MTMR9: variants seen among roughly 807,000 people sequenced by gnomAD.
The protein encoded by MTMR9 is myotubularin-related protein 9.
MTMR9 carries 39 observed loss-of-function variants against 69.5 expected under a neutral mutation model. The ratio of observed to expected loss-of-function variants is 0.56; its 90% CI spans 0.43 to 0.73. MTMR9 has a LOEUF of 0.73. Among genes scored for constraint, MTMR9 ranks in the 30% least tolerant of loss-of-function variants. The probability of loss-of-function intolerance (pLI) is 0.00; values close to 1 mark genes in which losing one functional copy is unlikely to be tolerated. For missense variants in MTMR9, 900 were observed against 671.2 expected, an observed-to-expected ratio of 1.34 and a Z score of -3.77; for synonymous variants, 354 against 240.8, an observed-to-expected ratio of 1.47 and a Z score of -4.35.
chr8:11,307,950 C>G (rs553951563), intron 5 of MTMR9, among the ~76,000 whole-genome samples: 21 of 152,238 alleles, frequency 1.4e-4, no homozygotes, highest in African/African-American at 5.1e-4. Flanking sequence ...ATATTAACCC[C>G]TTATCCAGTG....
In MTMR9 at chr8:11,323,341, C is replaced by A. The variant is rs1434839612; in HGVS notation, c.*553C>A. ...AGTTTTGGACTAACGAAGCTGAAATCTATTCTCATTCTTGTTTGTCAAGAA... is the reference window on the plus strand; with the variant it reads ...AGTTTTGGACTAACGAAGCTGAAATATATTCTCATTCTTGTTTGTCAAGAA... On this transcript the variant is annotated 3_prime_UTR_variant, in exon 10 of 10. Coordinates refer to ENST00000221086, the MANE Select transcript of MTMR9 (RefSeq NM_015458.4). The A allele has an allele frequency of 6.6e-6, 1 of 152,214 alleles. No individual in the cohort carries two copies. Among genetic ancestry groups the A allele is most frequent in the Non-Finnish European group, 1.5e-5 (1 of 68,036 alleles). 9.4% of individuals were successfully genotyped at this position (152,214 alleles called of 1,614,324 possible). A position where few individuals can be genotyped will look rare whatever the true frequency, so the allele number is the denominator to read the frequency against.
chr8:11,308,108 C>T (rs780332170), intron 5 of MTMR9, among the ~76,000 whole-genome samples: 3 of 152,196 alleles, frequency 2.0e-5, no homozygotes, highest in Non-Finnish European at 4.4e-5. Context: ...TCCAAAATAA[C>T]TTTTCCCAGA....
chr8:11,298,044 A>C (rs985067461), intron 2 of MTMR9: 24 of 411,576 alleles, frequency 5.8e-5, no homozygotes, highest in Middle Eastern at 3.5e-4. Flanking sequence ...TGCCTCACGT[A>C]GAATCCCATT....
downstream of MTMR9, chr8:11,331,343 C>T (rs760702018): frequency 8.7e-6 from 14 of 1,613,872 alleles, no homozygotes; most frequent in African/African-American, 1.3e-5. Flanking sequence ...GATGCCTCTT[C>T]CACCTCCCTA....
In MTMR9 at chr8:11,284,883, G is replaced by GA; in HGVS notation, c.-6_-5insA. On this transcript the variant is annotated 5_prime_UTR_variant, in exon 1 of 10. Coordinates refer to ENST00000221086, the MANE Select transcript of MTMR9 (RefSeq NM_015458.4). ...CTCGGTTCCCTGGCTCCGGCCGCGG[G>GA]GGAGCATGGAGTTTGCGGAGCTGAT... 6.3e-7 allele frequency: 1 copy of GA among 1,595,844 alleles called. No individual in the cohort carries two copies. Among genetic ancestry groups the GA allele is most frequent in the Non-Finnish European group, 8.5e-7 (1 of 1,170,442 alleles).
chr8:11,329,925 T>G (rs2736266), downstream of MTMR9, among the ~76,000 whole-genome samples: 1 of 150,970 alleles, frequency 6.6e-6, no homozygotes. Context: ...TCTGCCCGGC[T>G]GCGACCCCGT....
At chr8:11,289,643 G>T (rs772625376) in intron 1 of MTMR9, among the ~76,000 whole-genome samples, 7 of 152,022 alleles carry the variant, frequency 4.6e-5, no homozygotes, top group Non-Finnish European at 1.0e-4. Flanking sequence ...ATCCCTGTAG[G>T]CAACCACGTT....
chr8:11,316,473 T>G (rs1431327058), intron 7 of MTMR9, 200 bp from the exon 8 acceptor site: 1 of 426,550 alleles, frequency 2.3e-6, no homozygotes, highest in African/African-American at 2.0e-5. Context: ...ATTAAGGATT[T>G]GGAAGTGTGT....
At chr8:11,292,945 T>G (rs1222810255) in intron 1 of MTMR9, among the ~76,000 whole-genome samples, 3 of 152,252 alleles carry the variant, frequency 2.0e-5, no homozygotes. Flanking sequence ...GTTACTGGTT[T>G]ATGTATTTAC....
chr8:11,304,906 T>C lies in MTMR9; in HGVS notation c.483T>C (p.Ile161=). The change falls in exon 4 of 10, where the codon ATT becomes ATC. Residue 161 remains isoleucine, a synonymous_variant. Transcript: ENST00000221086. The part of the protein sequence containing the change: ...EFAVCPSYPP[I]VTVPKSIDDE... ...CTGTCTGTCCCTCTTACCCACCAAT[T>C]GTCACAGTGCCCAAATCCATCGATG... 1 of 1,614,080 alleles carries C rather than the reference T, an allele frequency of 6.2e-7. No homozygotes were observed. Among genetic ancestry groups the C allele is most frequent in the Non-Finnish European group, 8.5e-7 (1 of 1,179,966 alleles).
chr8:11,334,005 T>G, the MTMR9 span, among the ~76,000 whole-genome samples: 1 of 152,200 alleles, frequency 6.6e-6, no homozygotes, highest in Non-Finnish European at 1.5e-5. Context: ...ATAAAAAAGA[T>G]TCTGAAATTC....
Position 11,322,767 on chromosome 8 carries a change from C to G in MTMR9, c.1629C>G (p.Asp543Glu). 6.2e-7 allele frequency: 1 copy of G among 1,613,874 alleles called. No homozygotes were observed. The highest frequency in any genetic ancestry group is 8.5e-7 in the Non-Finnish European group (1 of 1,179,914). ...RRQLAELETE[D>E]GMQESP ...AGTTGGCAGAACTGGAAACAGAGGA[C>G]GGGATGCAGGAGAGTCCCTGAAAGG... is the stretch of plus-strand genomic sequence containing the variant. Residue 543 changes from aspartate (D) to glutamate (E), a missense_variant, in exon 10 of 10, where the codon GAC (aspartate) becomes GAG (glutamate). By Grantham distance (45) the Asp-to-Glu change is conservative. Coordinates refer to ENST00000221086, the MANE Select transcript of MTMR9 (RefSeq NM_015458.4).
At chr8:11,316,285 G>A (rs1479385306) in intron 7 of MTMR9, 8 of 153,492 alleles carry the variant, frequency 5.2e-5, no homozygotes, top group African/African-American at 2.1e-4. Flanking sequence ...TACAGTGTTA[G>A]ACAGAGGTGA....
rs150284036 is a variant in MTMR9 at position 11,306,392 on chromosome 8, A to T, written c.794A>T (p.His265Leu). Residue 265 changes from histidine (H) to leucine (L), a missense_variant, in exon 5 of 10, where the codon CAT (histidine) becomes CTT (leucine). Physicochemically the swap from His to Leu is moderately conservative, Grantham distance 99. Transcript: ENST00000221086. ...CATTATCCTCAGTGGAGGCGAATTCATAAGTCCATTGAGAGGTAAAAGATT... is the reference window on the plus strand; with the variant it reads ...CATTATCCTCAGTGGAGGCGAATTCTTAAGTCCATTGAGAGGTAAAAGATT... ...EAHYPQWRRI[H>L]KSIERYHILQ... 1 of 1,613,958 alleles carries T rather than the reference A, an allele frequency of 6.2e-7. No individual in the cohort carries two copies. The highest frequency in any genetic ancestry group is 1.7e-5 in the Admixed American group (1 of 59,996).
downstream of MTMR9, among the ~76,000 whole-genome samples, chr8:11,332,666 A>C (rs1801282479): frequency 6.6e-6 from 1 of 151,780 alleles, no homozygotes; most frequent in South Asian, 2.1e-4. Flanking sequence ...CAGTGGCATG[A>C]TCTCAGCTCA....
chr8:11,285,898 A>C (rs1799133704), intron 1 of MTMR9, among the ~76,000 whole-genome samples: 1 of 151,904 alleles, frequency 6.6e-6, no homozygotes, highest in African/African-American at 2.4e-5. Flanking sequence ...GGATATTAGG[A>C]AGATTCGTAC....
chr8:11,329,995 G>A (rs575367443), downstream of MTMR9, among the ~76,000 whole-genome samples: 3 of 150,244 alleles, frequency 2.0e-5, no homozygotes, highest in Non-Finnish European at 4.4e-5. Flanking sequence ...GAGCCCCTCC[G>A]CCTGGCAGCT....
downstream of MTMR9, chr8:11,331,533 G>T (rs142654795): frequency 1.2e-5 from 19 of 1,613,784 alleles, no homozygotes; most frequent in South Asian, 4.4e-5. Context: ...CGTATGCTCC[G>T]CTGTCCTCAC....
chr8:11,326,772 CAT>C lies in MTMR9; in HGVS notation c.*3985_*3986del, dbSNP rs1800952288. 2.0e-5 allele frequency: 3 copies of C among 152,226 alleles called. No homozygotes were observed. The highest frequency in any genetic ancestry group is 7.2e-5 in the African/African-American group (3 of 41,422). The allele number at this position is 152,226 out of a possible 1,614,324, so 9.4% of individuals were successfully genotyped here. On this transcript the variant is annotated 3_prime_UTR_variant, in exon 10 of 10. Transcript: ENST00000221086. Reference sequence around the variant, plus strand: ...GATCATGAGGTCAGGAGATCGAGACCATCCTGGCTAACACGGTGAAAACCCAT... The same window carrying C: ...GATCATGAGGTCAGGAGATCGAGACCCCTGGCTAACACGGTGAAAACCCAT...
Sources: allele counts gnomAD v4.1 joint callset (sites outside exome capture counted in the v4.1 genomes callset), GRCh38; gene constraint gnomAD v4.1.1; transcripts MANE v1.5; gene names NCBI Gene and HGNC (gene_info 2026-07-23, HGNC 2026-07-21).